Variants in ROBO1 observed in about 807,000 individuals in gnomAD.
ROBO1 encodes the protein roundabout guidance receptor 1.
ROBO1 carries 149 observed loss-of-function variants against 195.9 expected under a neutral mutation model. The ratio of observed to expected loss-of-function variants is 0.76; its 90% CI spans 0.67 to 0.87. ROBO1 has a LOEUF of 0.87. Among genes scored for constraint, ROBO1 ranks in the 40% least tolerant of loss-of-function variants. ROBO1 has a pLI of 0.00. For missense variants in ROBO1, 1,933 were observed against 2,068.3 expected, an observed-to-expected ratio of 0.93 and a Z score of 1.27; for synonymous variants, 816 against 733.2, an observed-to-expected ratio of 1.11 and a Z score of -1.82.
chr3:79,359,476 G>A (rs1176659002), intron 2 of ROBO1, among the ~76,000 whole-genome samples: 1 of 152,020 alleles, frequency 6.6e-6, no homozygotes, highest in Non-Finnish European at 1.5e-5. Flanking sequence ...GGTATCATAT[G>A]TTGTCTGTAT....
At chr3:78,893,310 T>C (rs1321148377) in intron 4 of ROBO1, among the ~76,000 whole-genome samples, 1 of 152,140 alleles carries the variant, frequency 6.6e-6, no homozygotes, top group Non-Finnish European at 1.5e-5. Flanking sequence ...CTTCACACAA[T>C]ATTCCATTGG....
chr3:78,832,834 G>A (rs182206705), intron 4 of ROBO1, among the ~76,000 whole-genome samples: 1 of 152,156 alleles, frequency 6.6e-6, no homozygotes, highest in Non-Finnish European at 1.5e-5. Flanking sequence ...GTGAGAGGAG[G>A]CACTCTTGGT....
intron 5 of ROBO1, among the ~76,000 whole-genome samples, chr3:78,727,610 G>A (rs2082196276): frequency 6.6e-6 from 1 of 152,198 alleles, no homozygotes; most frequent in South Asian, 2.1e-4. Flanking sequence ...GGGCGACAGA[G>A]CGAGACTCCG....
chr3:79,650,937 T>C (rs1317512601), intron 1 of ROBO1, among the ~76,000 whole-genome samples: 2 of 152,034 alleles, frequency 1.3e-5, no homozygotes, highest in Admixed American at 1.3e-4. Flanking sequence ...GTTTTCTCTT[T>C]TCTCATGATT....
chr3:79,300,761 A>G (rs2109059085), intron 2 of ROBO1, among the ~76,000 whole-genome samples: 1 of 152,132 alleles, frequency 6.6e-6, no homozygotes, highest in African/African-American at 2.4e-5. Flanking sequence ...TATCTAGCTC[A>G]AGGTTTGTAA....
intron 2 of ROBO1, among the ~76,000 whole-genome samples, chr3:79,467,727 G>T (rs1246677297): frequency 6.6e-6 from 1 of 152,046 alleles, no homozygotes; most frequent in Non-Finnish European, 1.5e-5. Context: ...TGGATGCCAG[G>T]CAAGAACCTG....
intron 2 of ROBO1, among the ~76,000 whole-genome samples, chr3:79,446,910 GCCT>G (rs1163885980): frequency 6.6e-6 from 1 of 151,968 alleles, no homozygotes; most frequent in East Asian, 1.9e-4. Flanking sequence ...TGTGACCTCC[GCCT>G]CCCGGGTTCA....
At chr3:79,391,363 A>G (rs555062812) in intron 2 of ROBO1, among the ~76,000 whole-genome samples, 6 of 152,278 alleles carry the variant, frequency 3.9e-5, no homozygotes, top group Admixed American at 6.5e-5. Flanking sequence ...ACACAGACGG[A>G]ACAACTCTAT....
At chr3:79,334,194 T>C (rs1331019398) in intron 2 of ROBO1, among the ~76,000 whole-genome samples, 1 of 151,392 alleles carries the variant, frequency 6.6e-6, no homozygotes, top group East Asian at 1.9e-4. Context: ...TCCCAGCTAC[T>C]TGGGAGGCTG....
At chr3:79,152,274 G>C (rs993388025) in intron 2 of ROBO1, among the ~76,000 whole-genome samples, 9 of 151,800 alleles carry the variant, frequency 5.9e-5, no homozygotes, top group Admixed American at 4.6e-4. Flanking sequence ...ATGTAATAAA[G>C]CTTCTATTAT....
chr3:78,667,617 C>T (rs561464127), intron 14 of ROBO1, among the ~76,000 whole-genome samples: 59 of 152,060 alleles, frequency 3.9e-4, no homozygotes, highest in African/African-American at 1.2e-3. Context: ...CATCTCCTCA[C>T]GTAATATTTT....
chr3:79,500,689 A>G (rs1162244829), intron 2 of ROBO1, among the ~76,000 whole-genome samples: 3 of 152,182 alleles, frequency 2.0e-5, no homozygotes, highest in Non-Finnish European at 4.4e-5. Context: ...GACAGAAAGG[A>G]ATGATATTAG....
chr3:79,519,076 C>A (rs752258578), intron 2 of ROBO1, among the ~76,000 whole-genome samples: 1 of 152,046 alleles, frequency 6.6e-6, no homozygotes, highest in Non-Finnish European at 1.5e-5. Context: ...TGCTTTCTTC[C>A]TGAATGCTTC....
chr3:78,674,449 T>C (rs915261481), intron 10 of ROBO1, among the ~76,000 whole-genome samples: 1 of 152,202 alleles, frequency 6.6e-6, no homozygotes, highest in Non-Finnish European at 1.5e-5. Flanking sequence ...ATTCTAGTTT[T>C]ACCCATGAAG....
chr3:79,399,076 T>C (rs1014802013), intron 2 of ROBO1, among the ~76,000 whole-genome samples: 1 of 152,132 alleles, frequency 6.6e-6, no homozygotes, highest in African/African-American at 2.4e-5. Context: ...CTGTCCGGCA[T>C]GCATAGCTGG....
At chr3:78,899,650 G>A (rs1446085081) in intron 4 of ROBO1, among the ~76,000 whole-genome samples, 1 of 152,062 alleles carries the variant, frequency 6.6e-6, no homozygotes, top group Non-Finnish European at 1.5e-5. Context: ...ATATTCAAAA[G>A]TTAATATTAA....
intron 2 of ROBO1, among the ~76,000 whole-genome samples, chr3:79,291,110 A>G (rs1336414575): frequency 6.6e-6 from 1 of 152,204 alleles, no homozygotes; most frequent in African/African-American, 2.4e-5. Flanking sequence ...TTGTTATTCC[A>G]TATTGATAAC....
chr3:78,752,573 T>C (rs1401096892), intron 4 of ROBO1, among the ~76,000 whole-genome samples: 1 of 152,176 alleles, frequency 6.6e-6, no homozygotes, highest in Non-Finnish European at 1.5e-5. Flanking sequence ...AGTGCTGTTC[T>C]TTGTACAAAT....
At chr3:79,767,717 C>CT (rs1168020961) in intron 1 of ROBO1, 35 bp downstream of exon 1, 1 of 152,260 alleles carries the variant, frequency 6.6e-6, no homozygotes, top group South Asian at 2.1e-4. Context: ...CAAAAGCCAG[C>CT]TGTCACTTCC....
Sources: allele counts gnomAD v4.1 joint callset (sites outside exome capture counted in the v4.1 genomes callset), GRCh38; gene constraint gnomAD v4.1.1; transcripts MANE v1.5; gene names NCBI Gene and HGNC (gene_info 2026-07-23, HGNC 2026-07-21).